The following SSBP2 variants were observed in gnomAD, a reference collection of about 807,000 sequenced individuals.
SSBP2 encodes the protein single stranded DNA binding protein 2.
SSBP2 carries 17 observed loss-of-function variants against 61.8 expected under a neutral mutation model. That is an observed-to-expected ratio of 0.28 (90% CI 0.19 to 0.41). SSBP2 has a LOEUF of 0.41. Among genes scored for constraint, SSBP2 ranks in the 10% least tolerant of loss-of-function variants. SSBP2 has a pLI of 1.00. For missense variants in SSBP2, 310 were observed against 458.7 expected, an observed-to-expected ratio of 0.68 and a Z score of 2.96; for synonymous variants, 139 against 141.3, an observed-to-expected ratio of 0.98 and a Z score of 0.12.
chr5:81,658,923 G>C (rs1054867220), intron 1 of SSBP2, among the ~76,000 whole-genome samples: 1 of 152,176 alleles, frequency 6.6e-6, no homozygotes, highest in Non-Finnish European at 1.5e-5. Flanking sequence ...AAAGCCACAT[G>C]ATTATCTCAA....
intron 6 of SSBP2, among the ~76,000 whole-genome samples, chr5:81,479,849 C>A (rs931824632): frequency 1.3e-5 from 2 of 152,066 alleles, no homozygotes; most frequent in African/African-American, 4.8e-5. Context: ...CATGGTTATG[C>A]TATTTTTAAA....
chr5:81,445,154 ATATATATATATATATATATATATG>A (rs1432554697), intron 12 of SSBP2, among the ~76,000 whole-genome samples: 1,402 of 89,540 alleles, frequency 0.016, 125 homozygotes, highest in South Asian at 0.029. Flanking sequence ...ATATATATAT[ATATATATATATATATATATATATG>A]TATGTATTTA....
chr5:81,723,516 G>A (rs968874990), intron 1 of SSBP2, among the ~76,000 whole-genome samples: 4 of 151,992 alleles, frequency 2.6e-5, no homozygotes, highest in South Asian at 2.1e-4. Flanking sequence ...CCTGAAAGTT[G>A]GGAGAATGAG....
At chr5:81,532,150 A>C (rs1397961734) in intron 4 of SSBP2, among the ~76,000 whole-genome samples, 1 of 152,118 alleles carries the variant, frequency 6.6e-6, no homozygotes, top group African/African-American at 2.4e-5. Context: ...GTACACCTAA[A>C]AGGAAAAAGT....
chr5:81,453,276 C>T (rs1346344095), intron 10 of SSBP2, among the ~76,000 whole-genome samples: 1 of 152,018 alleles, frequency 6.6e-6, no homozygotes, highest in Non-Finnish European at 1.5e-5. Flanking sequence ...CACTGCACTC[C>T]AGCCTGGGCA....
At chr5:81,688,215 G>A (rs1207758695) in intron 1 of SSBP2, among the ~76,000 whole-genome samples, 3 of 152,190 alleles carry the variant, frequency 2.0e-5, no homozygotes, top group African/African-American at 7.2e-5. Flanking sequence ...GGAAGACTGA[G>A]AAGGACTTTG....
intron 9 of SSBP2, among the ~76,000 whole-genome samples, chr5:81,462,270 C>T (rs1352248783): frequency 6.6e-6 from 1 of 152,150 alleles, no homozygotes; most frequent in Non-Finnish European, 1.5e-5. Context: ...ACATTTGGCC[C>T]ACAGGCCACA....
At chr5:81,701,515 A>C (rs1753982121) in intron 1 of SSBP2, among the ~76,000 whole-genome samples, 1 of 152,262 alleles carries the variant, frequency 6.6e-6, no homozygotes, top group Non-Finnish European at 1.5e-5. Flanking sequence ...TTTGTAAAAA[A>C]TAATATTGTC....
At chr5:81,668,633 C>T (rs1023747) in intron 1 of SSBP2, among the ~76,000 whole-genome samples, 50,152 of 151,742 alleles carry the variant, frequency 0.33, 8,732 homozygotes, top group Middle Eastern at 0.56. Context: ...GCCTTTCCTC[C>T]GTTTAATTGT....
intron 1 of SSBP2, among the ~76,000 whole-genome samples, chr5:81,728,208 T>C (rs1052022535): frequency 6.6e-6 from 1 of 152,206 alleles, no homozygotes; most frequent in Non-Finnish European, 1.5e-5. Flanking sequence ...GCAACAAGCA[T>C]TTCAGGAACA....
intron 1 of SSBP2, among the ~76,000 whole-genome samples, chr5:81,659,057 T>A (rs1456613087): frequency 2.0e-5 from 3 of 152,112 alleles, no homozygotes; most frequent in Non-Finnish European, 4.4e-5. Context: ...ATAGCCAATA[T>A]CATACTGAAT....
intron 4 of SSBP2, among the ~76,000 whole-genome samples, chr5:81,559,146 G>C (rs775011005): frequency 1.3e-5 from 2 of 152,054 alleles, no homozygotes; most frequent in Non-Finnish European, 2.9e-5. Flanking sequence ...CCAGCACTTT[G>C]AGAGGCCAAG....
At chr5:81,749,911 T>C (rs911025686) in intron 1 of SSBP2, among the ~76,000 whole-genome samples, 2 of 152,116 alleles carry the variant, frequency 1.3e-5, no homozygotes, top group Non-Finnish European at 1.5e-5. Context: ...CCTTCCCACC[T>C]GAACGCTTCT....
chr5:81,520,816 C>T (rs745822502), intron 4 of SSBP2, among the ~76,000 whole-genome samples: 2 of 152,042 alleles, frequency 1.3e-5, no homozygotes, highest in Non-Finnish European at 2.9e-5. Context: ...GTCCATTTCT[C>T]CTTGTGCCTC....
At chr5:81,430,240 T>C (rs1762202408) in intron 15 of SSBP2, among the ~76,000 whole-genome samples, 1 of 152,230 alleles carries the variant, frequency 6.6e-6, no homozygotes, top group Non-Finnish European at 1.5e-5. Flanking sequence ...GATTTACTTA[T>C]AATTTATAAA....
intron 1 of SSBP2, among the ~76,000 whole-genome samples, chr5:81,677,976 T>C (rs1581322414): frequency 6.6e-6 from 1 of 152,158 alleles, no homozygotes; most frequent in South Asian, 2.1e-4. Flanking sequence ...ACAGCAATTG[T>C]TTTTATCCAG....
chr5:81,417,522 G>A lies in SSBP2; in HGVS notation c.*2982C>T, dbSNP rs1490753760. ...GCTGATATTATTACTGTGAGATGACGTGTAAAAATAACACTAGGAACAGGT... is the reference window on the plus strand; with the variant it reads ...GCTGATATTATTACTGTGAGATGACATGTAAAAATAACACTAGGAACAGGT... On this transcript the variant is annotated 3_prime_UTR_variant, in exon 17 of 17. Coordinates refer to ENST00000320672, the MANE Select transcript of SSBP2 (RefSeq NM_012446.5). 4 of 152,102 alleles carry A rather than the reference G, an allele frequency of 2.6e-5. No homozygotes were observed. Among genetic ancestry groups the A allele is most frequent in the African/African-American group, 4.8e-5 (2 of 41,420 alleles). The allele number at this position is 152,102 out of a possible 1,614,324, so 9.4% of individuals were successfully genotyped here.
chr5:81,751,028 G>C lies in SSBP2; in HGVS notation c.15C>G (p.Gly5=). The C allele has an allele frequency of 1.9e-6, 3 of 1,598,894 alleles. No individual in the cohort carries two copies. Among genetic ancestry groups the C allele is most frequent in the Non-Finnish European group, 2.6e-6 (3 of 1,172,884 alleles). Residue 5 remains glycine (G), a synonymous_variant, in exon 1 of 17, where the codon GGC becomes GGG. Transcript: ENST00000320672. ...ACGGGACGGCGCTGCTGTTACTCTT[G>C]CCTTTGCCGTACATGCTTGTGCCGA...
intron 4 of SSBP2, among the ~76,000 whole-genome samples, chr5:81,534,593 T>C (rs769580753): frequency 6.6e-6 from 1 of 152,144 alleles, no homozygotes; most frequent in East Asian, 1.9e-4. Flanking sequence ...ATTTTATTAC[T>C]AGACGAGACA....
Sources: allele counts gnomAD v4.1 joint callset (sites outside exome capture counted in the v4.1 genomes callset), GRCh38; gene constraint gnomAD v4.1.1; transcripts MANE v1.5; gene names NCBI Gene and HGNC (gene_info 2026-07-23, HGNC 2026-07-21).